The following MMRN1 variants were observed in gnomAD, a reference collection of about 807,000 sequenced individuals.
The protein encoded by MMRN1 is multimerin 1.
In MMRN1, 94 loss-of-function variants were observed where a neutral mutation model predicts 100.7. That is an observed-to-expected ratio of 0.93 (90% confidence interval 0.79 to 1.11). The LOEUF (loss-of-function observed/expected upper bound fraction) is 1.11, where lower values mean the gene tolerates loss of function less well. Among genes scored for constraint, MMRN1 ranks in the 50% least tolerant of loss-of-function variants. MMRN1 has a pLI of 0.00. For missense variants in MMRN1, 1,606 were observed against 1,439.1 expected, an observed-to-expected ratio of 1.12 and a Z score of -1.88; for synonymous variants, 575 against 505.0, an observed-to-expected ratio of 1.14 and a Z score of -1.86.
chr4:89,885,059 G>T (rs1316142557), intron 1 of MMRN1, among the ~76,000 whole-genome samples: 1 of 152,026 alleles, frequency 6.6e-6, no homozygotes, highest in African/African-American at 2.4e-5. Context: ...ATATAAACTA[G>T]TGTTTAGTTT....
At chr4:89,907,610 TTA>T (rs1373261240) in intron 1 of MMRN1, among the ~76,000 whole-genome samples, 1 of 151,406 alleles carries the variant, frequency 6.6e-6, no homozygotes, top group Non-Finnish European at 1.5e-5. Context: ...TTTTGCTCAT[TTA>T]TGTTTTTGAA....
intron 1 of MMRN1, among the ~76,000 whole-genome samples, chr4:89,908,391 T>C (rs1029437786): frequency 6.6e-6 from 1 of 151,458 alleles, no homozygotes; most frequent in Non-Finnish European, 1.5e-5. Context: ...TGAAAAATTA[T>C]AGAATAAGCT....
At chr4:89,922,507 T>G (rs1257274299) in intron 3 of MMRN1, among the ~76,000 whole-genome samples, 1 of 152,180 alleles carries the variant, frequency 6.6e-6, no homozygotes, top group Non-Finnish European at 1.5e-5. Context: ...AATTATTACT[T>G]GCCATTTAAA....
intron 1 of MMRN1, 79 bp downstream of exon 1, chr4:89,895,673 C>A (rs1721184175): frequency 1.4e-6 from 2 of 1,455,626 alleles, no homozygotes; most frequent in South Asian, 1.5e-5. Context: ...ACCTCACTCC[C>A]AGAAAATTAT....
Position 89,916,376 on chromosome 4 carries a change from ACAAAC to A in MMRN1, c.850+4327_850+4331del, listed in dbSNP as rs1393371932. On this transcript the variant is annotated intron_variant, in intron 3 of 7. Coordinates refer to ENST00000264790, the MANE Select transcript of MMRN1 (RefSeq NM_007351.3). ...TCACTTAGATTCTGAAAAAAAAAAAACAAACAAACAAACAATAAATTTAACAATGC... is the reference window on the plus strand; with the variant it reads ...TCACTTAGATTCTGAAAAAAAAAAAAAAACAAACAATAAATTTAACAATGC... Among the ~76,000 whole-genome samples, 347 of 139,912 alleles carry A rather than the reference ACAAAC, an allele frequency of 2.5e-3. 6 individuals carry two copies. The highest frequency in any genetic ancestry group is 6.4e-3 in the African/African-American group (235 of 36,978). 91.8% of individuals were successfully genotyped at this position (139,912 alleles called of 152,430 possible). A position where few individuals can be genotyped will look rare whatever the true frequency, so the allele number is the denominator to read the frequency against.
intron 6 of MMRN1, chr4:89,951,304 C>T (rs986473289): frequency 4.3e-5 from 10 of 234,246 alleles, no homozygotes; most frequent in Non-Finnish European, 3.3e-5. Flanking sequence ...TTCAAATATA[C>T]ATGATTTGTA....
rs1390747951 is a variant in MMRN1, at chr4:89,936,641, T to C, written c.2961T>C (p.Asp987=). Residue 987 remains aspartate, a synonymous_variant, in exon 6 of 8, where the codon GAT becomes GAC. Coordinates refer to ENST00000264790, the MANE Select transcript of MMRN1 (RefSeq NM_007351.3). ...AALSNLTCCI[D]RSLPGSLANV... is the part of the protein sequence containing the mutation. ...TATCTAATTTAACTTGTTGTATAGA[T>C]CGATCGTTGCCTGGTAGTCTGGCAA... 1.2e-6 allele frequency: 2 copies of C among 1,613,432 alleles called. No homozygotes were observed. The highest frequency in any genetic ancestry group is 1.7e-6 in the Non-Finnish European group (2 of 1,179,618).
intron 1 of MMRN1, among the ~76,000 whole-genome samples, chr4:89,897,213 A>G (rs540621402): frequency 2.3e-4 from 26 of 111,600 alleles, no homozygotes; most frequent in Middle Eastern, 8.9e-3. Flanking sequence ...TATAGCTAAG[A>G]ATTTTTTTTT....
At chr4:89,886,393 T>G (rs939595460) in intron 1 of MMRN1, among the ~76,000 whole-genome samples, 1 of 152,154 alleles carries the variant, frequency 6.6e-6, no homozygotes, top group African/African-American at 2.4e-5. Context: ...TTAACAGTTT[T>G]GTGTTTATAG....
chr4:89,901,804 T>C (rs1721396892), intron 1 of MMRN1, among the ~76,000 whole-genome samples: 1 of 152,070 alleles, frequency 6.6e-6, no homozygotes, highest in Non-Finnish European at 1.5e-5. Context: ...TTGCATTTCA[T>C]ATGCTAGAAT....
Position 89,935,735 on chromosome 4 carries a change from C to G in MMRN1, c.2055C>G (p.Val685=). 6.2e-7 allele frequency: 1 copy of G among 1,611,678 alleles called. No individual in the cohort carries two copies. The highest frequency in any genetic ancestry group is 8.5e-7 in the Non-Finnish European group (1 of 1,179,254). ...RKKIENLTSA[V]NSLNFIIKEL... Reference sequence around the variant, plus strand: ...AGATAGAAAATCTGACTAGTGCTGTCAATAGTCTAAATTTTATTATCAAAG... The same window carrying G: ...AGATAGAAAATCTGACTAGTGCTGTGAATAGTCTAAATTTTATTATCAAAG... Residue 685 remains valine, a synonymous_variant, in exon 6 of 8, where the codon GTC becomes GTG. Coordinates refer to ENST00000264790, the MANE Select transcript of MMRN1 (RefSeq NM_007351.3).
intron 6 of MMRN1, among the ~76,000 whole-genome samples, chr4:89,943,386 G>C (rs2110646553): frequency 6.6e-6 from 1 of 152,248 alleles, no homozygotes; most frequent in East Asian, 1.9e-4. Context: ...GTTTGAAAAT[G>C]TGAAATTGCA....
intron 4 of MMRN1, among the ~76,000 whole-genome samples, chr4:89,925,569 C>A (rs895276817): frequency 6.6e-6 from 1 of 151,278 alleles, no homozygotes; most frequent in South Asian, 2.1e-4. Flanking sequence ...TGGTGGCTCA[C>A]GCCTGTAATC....
intron 4 of MMRN1, among the ~76,000 whole-genome samples, chr4:89,927,466 A>G (rs1722298039): frequency 6.6e-6 from 1 of 152,034 alleles, no homozygotes; most frequent in African/African-American, 2.4e-5. Flanking sequence ...TTGGTTTTGT[A>G]TCCTGCAATT....
chr4:89,951,548 T>G, intron 6 of MMRN1, 57 bp from the exon 7 acceptor site: 1 of 1,425,618 alleles, frequency 7.0e-7, no homozygotes, highest in African/African-American at 1.5e-5. Context: ...CGATTTGAGA[T>G]CAACAGGAAA....
intron 5 of MMRN1, among the ~76,000 whole-genome samples, chr4:89,932,464 C>T (rs1307108933): frequency 2.6e-5 from 4 of 152,200 alleles, no homozygotes; most frequent in Admixed American, 1.3e-4. Context: ...AGTGGAGACA[C>T]TGTGTGGGGG....
intron 1 of MMRN1, among the ~76,000 whole-genome samples, chr4:89,896,224 C>T (rs965945465): frequency 6.6e-6 from 1 of 152,078 alleles, no homozygotes; most frequent in Non-Finnish European, 1.5e-5. Context: ...ATGAAAAGTG[C>T]TTAGATGCAT....
chr4:89,927,921 GA>G lies in MMRN1; in HGVS notation c.1086del (p.Val363SerfsTer13). ...AGGAACACTTACTCCTCCCTAGAAG[GA>G]AAAGTCAGCGAAGATAAAAGCAGAG... ...DVRNTYSSLEGKVSEDKSREF... is the reference protein window; with the variant it reads ...DVRNTYSSLEXKVSEDKSREF... On this transcript the variant is annotated frameshift_variant, in exon 5 of 8. Coordinates refer to ENST00000264790, the MANE Select transcript of MMRN1 (RefSeq NM_007351.3). LOFTEE classifies it high-confidence loss of function. The G allele has an allele frequency of 1.2e-6, 2 of 1,608,032 alleles. No homozygotes were observed. The highest frequency in any genetic ancestry group is 1.1e-5 in the South Asian group (1 of 89,578).
chr4:89,881,145 AAC>A (rs759760709), intron 1 of MMRN1, among the ~76,000 whole-genome samples: 3 of 152,120 alleles, frequency 2.0e-5, no homozygotes, highest in Non-Finnish European at 2.9e-5. Flanking sequence ...AACCAATGAT[AAC>A]ACAGTTTGCA....
Sources: allele counts gnomAD v4.1 joint callset (sites outside exome capture counted in the v4.1 genomes callset), GRCh38; gene constraint gnomAD v4.1.1; transcripts MANE v1.5; gene names NCBI Gene and HGNC (gene_info 2026-07-23, HGNC 2026-07-21).